Variants in TSTD2 observed in about 807,000 individuals in gnomAD.
TSTD2 encodes the protein thiosulfate sulfurtransferase like domain containing 2.
In TSTD2, 37 loss-of-function variants were observed where a neutral mutation model predicts 47.9. That is an observed-to-expected ratio of 0.77 (90% CI 0.59 to 1.02). The LOEUF (loss-of-function observed/expected upper bound fraction) is 1.02. TSTD2 is among the 50% of genes least tolerant of loss of function. The probability of loss-of-function intolerance (pLI) is 0.00; values close to 1 mark genes in which losing one functional copy is unlikely to be tolerated. For missense variants in TSTD2, 586 were observed against 616.0 expected (o/e 0.95, Z 0.52); for synonymous variants, 201 against 215.9 (o/e 0.93, Z 0.61).
rs1390805227 is a variant in TSTD2, at chr9:97,605,615, T to C, written c.981A>G (p.Pro327=). The C allele has an allele frequency of 1.9e-6, 3 of 1,614,240 alleles. No individual in the cohort carries two copies. The highest frequency in any genetic ancestry group is 1.3e-5 in the African/African-American group (1 of 75,072). The change falls in exon 8 of 10, where the codon CCA becomes CCG. Residue 327 remains proline, a synonymous_variant. Transcript: ENST00000341170. ...GGAAGTAACTGAATTTCCTGATGTC[T>C]GGGGCTAAGCAGCCTTGGAATCGTC... ...KIGRFQGCLA[P]DIRKFSYFPS...
chr9:97,606,923 AAGAC>A (rs1826374950), intron 6 of TSTD2, among the ~76,000 whole-genome samples: 1 of 152,128 alleles, frequency 6.6e-6, no homozygotes, highest in African/African-American at 2.4e-5. Flanking sequence ...AGGAGAGAAA[AAGAC>A]AGGAAAGCTA....
intron 3 of TSTD2, among the ~76,000 whole-genome samples, chr9:97,620,944 T>C (rs1826624875): frequency 6.6e-6 from 1 of 152,170 alleles, no homozygotes. Context: ...CTACAGAAAT[T>C]TGCATGAGTA....
Position 97,602,559 on chromosome 9 carries a change from G to T in TSTD2, c.1461C>A (p.Arg487=). The change falls in exon 10 of 10, where the codon CGC becomes CGA. Residue 487 remains arginine (R), a synonymous_variant. Transcript: ENST00000341170. The part of the protein sequence containing the change: ...EECECTARRP[R]IPRELLQHVR... ...CATGCTGCAAGAGTTCCCTAGGTAT[G>T]CGTGGCCGTCGGGCTGTGCACTCGC... 1 of 1,614,238 alleles carries T rather than the reference G, an allele frequency of 6.2e-7. No homozygotes were observed. The highest frequency in any genetic ancestry group is 8.5e-7 in the Non-Finnish European group (1 of 1,180,038).
chr9:97,630,579 C>T (rs961061435), intron 1 of TSTD2, among the ~76,000 whole-genome samples: 1 of 152,152 alleles, frequency 6.6e-6, no homozygotes, highest in Non-Finnish European at 1.5e-5. Flanking sequence ...TCCTTATTAC[C>T]CCAACCTCTA....
In TSTD2 at chr9:97,632,871, G is replaced by A. The variant is rs540077871; in HGVS notation, c.-51+372C>T. Among the ~76,000 whole-genome samples the A allele has an allele frequency of 1.5e-3, 233 of 152,336 alleles. 3 individuals are homozygous for A. Among genetic ancestry groups the A allele is most frequent in the African/African-American group, 5.3e-3 (222 of 41,580 alleles). Reference sequence around the variant, plus strand: ...TTTACTGAAATGGGTAAGACCGAAGGAGAATTAGGCCGGGAGAGTGAAATT... The same window carrying A: ...TTTACTGAAATGGGTAAGACCGAAGAAGAATTAGGCCGGGAGAGTGAAATT... On this transcript the variant is annotated intron_variant, in intron 1 of 9. Transcript: ENST00000341170.
Position 97,600,212 on chromosome 9 carries a change from G to A in TSTD2, c.*2257C>T, listed in dbSNP as rs1407324900. 81 of 994,666 alleles carry A rather than the reference G, an allele frequency of 8.1e-5. No homozygotes were observed. Among genetic ancestry groups the A allele is most frequent in the Non-Finnish European group, 8.6e-5 (72 of 834,624 alleles). The allele number at this position is 994,666 out of a possible 1,614,324, so 61.6% of individuals were successfully genotyped here. ...GATTAAAGTTGCCAAATTGATTACTGGATCCAGAACACAATTTTCCCCTCA... is the reference window on the plus strand; with the variant it reads ...GATTAAAGTTGCCAAATTGATTACTAGATCCAGAACACAATTTTCCCCTCA... On this transcript the variant is annotated 3_prime_UTR_variant, in exon 10 of 10. Coordinates refer to ENST00000341170, the MANE Select transcript of TSTD2 (RefSeq NM_139246.5).
chr9:97,613,398 C>G (rs1009502868), intron 4 of TSTD2, among the ~76,000 whole-genome samples: 1 of 152,240 alleles, frequency 6.6e-6, no homozygotes, highest in Admixed American at 6.5e-5. Context: ...GCACTCAATA[C>G]GATTTGTTGA....
chr9:97,602,852 C>G lies in TSTD2; in HGVS notation c.1253-85G>C, dbSNP rs1051166486. The G allele has an allele frequency of 2.9e-6, 4 of 1,384,834 alleles. No homozygotes were observed. In the African/African-American group the frequency reaches 4.3e-5, roughly 15 times the overall value. The allele number at this position is 1,384,834 out of a possible 1,614,324, so 85.8% of individuals were successfully genotyped here. ...CATTGCTCCCTTTGCTGACTAGAATCTCGTAGATCCTGTGGAACCCGGGGA... is the reference window on the plus strand; with the variant it reads ...CATTGCTCCCTTTGCTGACTAGAATGTCGTAGATCCTGTGGAACCCGGGGA... On this transcript the variant is annotated intron_variant, in intron 9 of 9. Coordinates refer to ENST00000341170, the MANE Select transcript of TSTD2 (RefSeq NM_139246.5).
chr9:97,602,824 A>G, intron 9 of TSTD2, 57 bp from the exon 10 acceptor site: 1 of 1,514,076 alleles, frequency 6.6e-7, no homozygotes, highest in Non-Finnish European at 8.9e-7. Flanking sequence ...ACACGTGGAC[A>G]GGCATTGCTC....
Position 97,602,310 on chromosome 9 carries a change from CCT to C in TSTD2, c.*157_*158del. On this transcript the variant is annotated 3_prime_UTR_variant, in exon 10 of 10. Coordinates refer to ENST00000341170, the MANE Select transcript of TSTD2 (RefSeq NM_139246.5). ...CAGGTAAGTGGTAGACAACGTGACT[CCT>C]CCCCTCCCGCTGTGAAGTGTAGACG... 1.2e-6 allele frequency: 1 copy of C among 808,452 alleles called. No individual in the cohort carries two copies. Among genetic ancestry groups the C allele is most frequent in the South Asian group, 1.9e-5 (1 of 51,476 alleles). The allele number at this position is 808,452 out of a possible 1,614,324, so 50.1% of individuals were successfully genotyped here. A position where few individuals can be genotyped will look rare whatever the true frequency, so the allele number is the denominator to read the frequency against.
intron 1 of TSTD2, 94 bp from the exon 2 acceptor site, chr9:97,627,706 A>G: frequency 1.3e-6 from 1 of 763,120 alleles, no homozygotes; most frequent in Non-Finnish European, 2.1e-6. Flanking sequence ...GCATGGGCAA[A>G]GTAGCCCAAG....
intron 4 of TSTD2, among the ~76,000 whole-genome samples, chr9:97,613,456 C>A (rs1009053995): frequency 3.6e-4 from 54 of 152,022 alleles, no homozygotes; most frequent in African/African-American, 1.3e-3. Flanking sequence ...ATCTCAAGTC[C>A]CATATTCTCT....
chr9:97,624,514 T>C (rs181815409), intron 3 of TSTD2, among the ~76,000 whole-genome samples: 15 of 152,280 alleles, frequency 9.9e-5, no homozygotes, highest in East Asian at 3.9e-4. Flanking sequence ...ATTTGGTACA[T>C]AGCAATAATA....
chr9:97,612,609 G>A (rs1826477209), intron 4 of TSTD2, among the ~76,000 whole-genome samples: 1 of 152,238 alleles, frequency 6.6e-6, no homozygotes, highest in African/African-American at 2.4e-5. Flanking sequence ...AGGCTGGAGT[G>A]CAATAGCACA....
At position 97,605,545 on chromosome 9, in the gene TSTD2, C is replaced by G. The variant is rs1299655899; in HGVS notation, c.1051G>C (p.Val351Leu). Reference sequence around the variant, plus strand: ...ATGCCCCCGGTACAGTACATCAGCACTCTCTTCTCTCTGAAAAGTTCTAGA... The same window carrying G: ...ATGCCCCCGGTACAGTACATCAGCAGTCTCTTCTCTCTGAAAAGTTCTAGA... ...KNLELFREKRVLMYCTGGIRC... is the reference protein window; with the variant it reads ...KNLELFREKRLLMYCTGGIRC... The change falls in exon 8 of 10, where the codon GTG becomes CTG. Residue 351 changes from valine to leucine, a missense_variant. Val to Leu is a conservative substitution (Grantham distance 32, BLOSUM62 1). Coordinates refer to ENST00000341170, the MANE Select transcript of TSTD2 (RefSeq NM_139246.5). The G allele has an allele frequency of 6.2e-7, 1 of 1,614,200 alleles. No homozygotes were observed. Among genetic ancestry groups the G allele is most frequent in the Non-Finnish European group, 8.5e-7 (1 of 1,180,036 alleles).
intron 3 of TSTD2, among the ~76,000 whole-genome samples, chr9:97,622,018 A>C (rs1826646304): frequency 6.6e-6 from 1 of 152,136 alleles, no homozygotes; most frequent in African/African-American, 2.4e-5. Context: ...CCTAGCTGTA[A>C]AATTTCTCTG....
In TSTD2 at chr9:97,602,713, T is replaced by TG. The variant is rs757543261; in HGVS notation, c.1306dup (p.Gln436ProfsTer41). On this transcript the variant is annotated frameshift_variant, in exon 10 of 10. Coordinates refer to ENST00000341170, the MANE Select transcript of TSTD2 (RefSeq NM_139246.5). LOFTEE classifies it low-confidence loss of function (END_TRUNC). ...GCAGGTCAAAACGAGCTGGCGGCAC[T>TG]GGGGAGTAGAGCAGAGTTTATACTG... is the stretch of plus-strand genomic sequence containing the variant. The TG allele has an allele frequency of 1.5e-5, 25 of 1,614,058 alleles. No homozygotes were observed. The highest frequency in any genetic ancestry group is 2.1e-5 in the Non-Finnish European group (25 of 1,180,030).
intron 6 of TSTD2, chr9:97,610,069 T>C: frequency 4.0e-6 from 1 of 251,740 alleles, no homozygotes; most frequent in Non-Finnish European, 7.6e-6. Flanking sequence ...ATAATTACAC[T>C]CTTCCCAAAC....
At chr9:97,621,815 C>T (rs146770670) in intron 3 of TSTD2, among the ~76,000 whole-genome samples, 10 of 152,234 alleles carry the variant, frequency 6.6e-5, no homozygotes, top group Non-Finnish European at 1.5e-4. Context: ...CTAATTTAGC[C>T]CTGGCCTTGT....
Sources: gnomAD v4.1 joint callset for allele counts (sites outside exome capture counted in the v4.1 genomes callset) on GRCh38, gnomAD v4.1.1 for gene constraint, MANE v1.5 for transcripts, NCBI Gene and HGNC (gene_info 2026-07-23, HGNC 2026-07-21) for gene names.